The following BNC2 variants were observed in gnomAD, a reference collection of about 807,000 sequenced individuals.
BNC2 encodes basonuclin zinc finger protein 2, also known as zinc finger protein basonuclin-2.
Under a neutral mutation model 76.3 loss-of-function variants are expected in BNC2, and 20 were observed. That is an observed-to-expected ratio of 0.26 (90% CI 0.18 to 0.38). BNC2 has a LOEUF of 0.38. Among genes scored for constraint, BNC2 ranks in the 10% least tolerant of loss-of-function variants. The pLI, the probability that BNC2 is intolerant of heterozygous loss-of-function variation, is 1.00. For synonymous variants in BNC2, 582 were observed against 514.8 expected, an observed-to-expected ratio of 1.13 and a Z score of -1.77; for missense variants, 1,382 against 1,399.8, an observed-to-expected ratio of 0.99 and a Z score of 0.20.
At chr9:16,490,638 G>T (rs1422597116) in intron 5 of BNC2, among the ~76,000 whole-genome samples, 2 of 152,182 alleles carry the variant, frequency 1.3e-5, no homozygotes, top group African/African-American at 4.8e-5. Flanking sequence ...AGCACCTAGA[G>T]GGAAGGGACC....
intron 1 of BNC2, among the ~76,000 whole-genome samples, chr9:16,855,589 G>A (rs192696890): frequency 1.3e-5 from 2 of 152,288 alleles, no homozygotes; most frequent in Admixed American, 1.3e-4. Flanking sequence ...CCAGGCTGGA[G>A]TGCAGCGGCG....
chr9:16,510,370 A>G (rs1265268753), intron 5 of BNC2, among the ~76,000 whole-genome samples: 1 of 152,220 alleles, frequency 6.6e-6, no homozygotes, highest in Non-Finnish European at 1.5e-5. Context: ...TTCGTCATGA[A>G]AAGAAAGCAA....
At chr9:16,856,459 G>C (rs1225619779) in intron 1 of BNC2, among the ~76,000 whole-genome samples, 1 of 152,060 alleles carries the variant, frequency 6.6e-6, no homozygotes, top group Non-Finnish European at 1.5e-5. Flanking sequence ...TTTTTTTAGA[G>C]ACAGGATCTC....
intron 3 of BNC2, chr9:16,727,128 C>T (rs1224422093): frequency 1.3e-5 from 2 of 152,858 alleles, no homozygotes; most frequent in Admixed American, 6.5e-5. Context: ...GGCGGGCCGG[C>T]GGGCGGGCGG....
chr9:16,452,022 C>G (rs1304924900), intron 5 of BNC2, among the ~76,000 whole-genome samples: 2 of 152,180 alleles, frequency 1.3e-5, no homozygotes, highest in African/African-American at 4.8e-5. Context: ...GGACAAGAAT[C>G]TAGCTGACCT....
intron 1 of BNC2, among the ~76,000 whole-genome samples, chr9:16,807,784 C>T (rs961321675): frequency 9.9e-5 from 15 of 152,178 alleles, no homozygotes; most frequent in African/African-American, 3.4e-4. Context: ...AAAGTGATTT[C>T]TGACACCTGA....
At chr9:16,600,884 A>T (rs185356157) in intron 3 of BNC2, among the ~76,000 whole-genome samples, 105 of 152,304 alleles carry the variant, frequency 6.9e-4, no homozygotes, top group African/African-American at 2.3e-3. Context: ...TTTCATCTGA[A>T]ATAATAATGC....
At chr9:16,686,415 GT>G (rs2134357669) in intron 3 of BNC2, among the ~76,000 whole-genome samples, 1 of 151,992 alleles carries the variant, frequency 6.6e-6, no homozygotes, top group African/African-American at 2.4e-5. Context: ...ATTAAACAAG[GT>G]TTTAGATTCC....
chr9:16,681,938 G>A (rs577702890), intron 3 of BNC2, among the ~76,000 whole-genome samples: 2 of 151,966 alleles, frequency 1.3e-5, no homozygotes, highest in Non-Finnish European at 2.9e-5. Context: ...GGACCGGTGC[G>A]CTGGTGACCA....
chr9:16,625,267 G>T (rs542218169), intron 3 of BNC2, among the ~76,000 whole-genome samples: 10 of 152,244 alleles, frequency 6.6e-5, no homozygotes, highest in Non-Finnish European at 1.3e-4. Context: ...ATCGGGAAAT[G>T]AAATATGTTT....
rs139358369 is a variant in BNC2, at chr9:16,758,492, G to A, written c.4-20007C>T. ...ACTACAGGTGCACACCACCACACCC[G>A]GCTCCTTTTTGTATTTGTAGTAGAG... On this transcript the variant is annotated intron_variant, in intron 1 of 6. Coordinates refer to ENST00000380672, the MANE Select transcript of BNC2 (RefSeq NM_017637.6). 8.2e-3 allele frequency among the ~76,000 whole-genome samples: 1,253 copies of A among 152,004 alleles called. 20 individuals are homozygous for A. Among genetic ancestry groups the A allele is most frequent in the African/African-American group, 0.029 (1,199 of 41,482 alleles).
At chr9:16,821,962 G>A (rs1035871881) in intron 1 of BNC2, among the ~76,000 whole-genome samples, 4 of 151,732 alleles carry the variant, frequency 2.6e-5, no homozygotes, top group Admixed American at 1.3e-4. Flanking sequence ...GTGCGGTGGC[G>A]GGCGCCTGGA....
intron 1 of BNC2, among the ~76,000 whole-genome samples, chr9:16,862,907 A>G (rs1402145054): frequency 8.7e-6 from 1 of 115,392 alleles, no homozygotes; most frequent in Non-Finnish European, 1.7e-5. Context: ...ATAGCTATAT[A>G]TAGATAGATT....
chr9:16,502,881 C>T (rs1339137300), intron 5 of BNC2, among the ~76,000 whole-genome samples: 2 of 152,078 alleles, frequency 1.3e-5, no homozygotes, highest in Non-Finnish European at 2.9e-5. Context: ...GCATAAATAT[C>T]AGAAGGTGGT....
chr9:16,737,757 G>A (rs1824720242), intron 2 of BNC2, among the ~76,000 whole-genome samples: 1 of 152,086 alleles, frequency 6.6e-6, no homozygotes, highest in South Asian at 2.1e-4. Flanking sequence ...CCTATTAATG[G>A]CAAGTTAAAA....
chr9:16,606,327 G>A (rs981194328), intron 3 of BNC2, among the ~76,000 whole-genome samples: 3 of 152,138 alleles, frequency 2.0e-5, no homozygotes, highest in Admixed American at 6.5e-5. Flanking sequence ...ATGGATTAGA[G>A]GGGAGAAATA....
intron 2 of BNC2, among the ~76,000 whole-genome samples, chr9:16,730,763 A>C (rs937056358): frequency 6.6e-6 from 1 of 152,198 alleles, no homozygotes; most frequent in Non-Finnish European, 1.5e-5. Flanking sequence ...AAGCAGCAGG[A>C]TATCTTTCTA....
chr9:16,427,124 A>T (rs1820816956), intron 6 of BNC2, among the ~76,000 whole-genome samples: 1 of 152,216 alleles, frequency 6.6e-6, no homozygotes, highest in Admixed American at 6.5e-5. Flanking sequence ...ACTTTTACTG[A>T]TTTAACAACA....
chr9:16,559,035 G>A (rs1453280641), intron 4 of BNC2, among the ~76,000 whole-genome samples: 1 of 152,080 alleles, frequency 6.6e-6, no homozygotes, highest in South Asian at 2.1e-4. Context: ...GCAATGAATG[G>A]AATGAAGAGT....
Sources: allele counts gnomAD v4.1 joint callset (sites outside exome capture counted in the v4.1 genomes callset), GRCh38; gene constraint gnomAD v4.1.1; transcripts MANE v1.5; gene names NCBI Gene and HGNC (gene_info 2026-07-23, HGNC 2026-07-21).